Variants in CADM1 observed in about 807,000 individuals in gnomAD.
CADM1 encodes the protein TSLC-1.
In CADM1, 15 loss-of-function variants were observed where a neutral mutation model predicts 53.1. The observed-to-expected ratio is 0.28, with a 90% confidence interval of 0.19 to 0.44. The LOEUF (loss-of-function observed/expected upper bound fraction) is 0.44. Ranked by LOEUF, CADM1 falls within the 20% of genes least tolerant of loss-of-function variation. CADM1 has a pLI of 1.00. For missense variants in CADM1, 434 were observed against 611.3 expected, an observed-to-expected ratio of 0.71 and a Z score of 3.06; for synonymous variants, 281 against 243.0, an observed-to-expected ratio of 1.16 and a Z score of -1.45.
chr11:115,468,219 T>C (rs1379014421), intron 1 of CADM1, among the ~76,000 whole-genome samples: 2 of 152,132 alleles, frequency 1.3e-5, no homozygotes, highest in Non-Finnish European at 1.5e-5. Context: ...TACATGTTCA[T>C]TGGGGGAAAA....
intron 1 of CADM1, among the ~76,000 whole-genome samples, chr11:115,359,861 T>C (rs558969571): frequency 2.7e-4 from 41 of 152,330 alleles, no homozygotes; most frequent in African/African-American, 8.7e-4. Flanking sequence ...TAATAAGGCA[T>C]GTGCTAAATC....
At chr11:115,270,489 C>T (rs762467361) in intron 1 of CADM1, among the ~76,000 whole-genome samples, 3 of 152,140 alleles carry the variant, frequency 2.0e-5, no homozygotes, top group African/African-American at 4.8e-5. Flanking sequence ...CAGAACATTT[C>T]CTTCTTATTC....
intron 1 of CADM1, among the ~76,000 whole-genome samples, chr11:115,274,638 C>T (rs1943394052): frequency 6.6e-6 from 1 of 152,222 alleles, no homozygotes. Context: ...GAAATAATCA[C>T]TAGCTCTTGA....
At chr11:115,256,687 A>G (rs1341372276) in intron 1 of CADM1, 11 of 399,168 alleles carry the variant, frequency 2.8e-5, no homozygotes, top group Non-Finnish European at 4.7e-5. Flanking sequence ...GTGGGCAGGG[A>G]GAGAGAGCCA....
chr11:115,362,384 T>C (rs1171412909), intron 1 of CADM1, among the ~76,000 whole-genome samples: 1 of 152,172 alleles, frequency 6.6e-6, no homozygotes, highest in Non-Finnish European at 1.5e-5. Context: ...AACTGACAGT[T>C]TGTATTTTAC....
chr11:115,175,830 T>C lies in CADM1; in HGVS notation c.*644A>G. 2.0e-6 allele frequency: 2 copies of C among 995,480 alleles called. No homozygotes were observed. The highest frequency in any genetic ancestry group is 2.4e-6 in the Non-Finnish European group (2 of 835,972). The allele number at this position is 995,480 out of a possible 1,614,324, so 61.7% of individuals were successfully genotyped here. A position where few individuals can be genotyped will look rare whatever the true frequency, so the allele number is the denominator to read the frequency against. Reference sequence around the variant, plus strand: ...ATTTTCTAGTCTTCACTGCTCTAAGTATTTGAAACATGGGCAGCAGCAAAG... The same window carrying C: ...ATTTTCTAGTCTTCACTGCTCTAAGCATTTGAAACATGGGCAGCAGCAAAG... On this transcript the variant is annotated 3_prime_UTR_variant, in exon 12 of 12. Transcript: ENST00000331581.
chr11:115,268,610 C>G (rs550197436), intron 1 of CADM1, among the ~76,000 whole-genome samples: 73 of 152,310 alleles, frequency 4.8e-4, no homozygotes, highest in African/African-American at 1.6e-3. Context: ...TTGAGGGTAA[C>G]CAGAGCAGGG....
chr11:115,503,017 C>CCTG (rs1341766483), intron 1 of CADM1, among the ~76,000 whole-genome samples: 21 of 152,142 alleles, frequency 1.4e-4, no homozygotes, highest in Admixed American at 1.4e-3. Context: ...GGCTCAGAGC[C>CCTG]CTGCTGCATC....
intron 1 of CADM1, among the ~76,000 whole-genome samples, chr11:115,284,538 G>T (rs1260350883): frequency 6.6e-6 from 1 of 150,658 alleles, no homozygotes; most frequent in Non-Finnish European, 1.5e-5. Context: ...AAGGAAAAAC[G>T]TAAGAGGAAG....
rs11215528 is a variant in CADM1 at position 115,389,276 on chromosome 11, T to C, written c.124+114995A>G. On this transcript the variant is annotated intron_variant, in intron 1 of 11. Coordinates refer to ENST00000331581, the MANE Select transcript of CADM1 (RefSeq NM_001301043.2). ...CAACTTTTCAGTAAGTTTGAAACGA[T>C]TTCCAAATAAAAAATGTAAACAACA... Among the ~76,000 whole-genome samples the C allele has an allele frequency of 5.1e-3, 784 of 152,274 alleles. 8 individuals carry two copies. Among genetic ancestry groups the C allele is most frequent in the African/African-American group, 0.018 (754 of 41,556 alleles).
intron 1 of CADM1, among the ~76,000 whole-genome samples, chr11:115,242,075 G>T (rs1253822158): frequency 6.7e-6 from 1 of 150,302 alleles, no homozygotes; most frequent in African/African-American, 2.4e-5. Flanking sequence ...CCCTGGCAGA[G>T]GATTAGAAAA....
intron 10 of CADM1, among the ~76,000 whole-genome samples, chr11:115,181,079 T>C (rs1166437453): frequency 6.8e-6 from 1 of 147,134 alleles, no homozygotes; most frequent in Non-Finnish European, 1.5e-5. Flanking sequence ...TTCTAACCCA[T>C]CTAGGGGAAG....
intron 1 of CADM1, among the ~76,000 whole-genome samples, chr11:115,241,255 G>A (rs186909874): frequency 4.6e-5 from 7 of 152,192 alleles, no homozygotes; most frequent in African/African-American, 1.4e-4. Context: ...ATGATCCACC[G>A]TACAGGTAGG....
In CADM1 at chr11:115,198,432, G is replaced by C. The variant is rs182462702; in HGVS notation, c.1085C>G (p.Thr362Arg). The change falls in exon 9 of 12, where the codon ACG (threonine) becomes AGG (arginine). Residue 362 changes from threonine to arginine, a missense_variant. Thr to Arg is a moderately conservative substitution (Grantham distance 71). Around this residue, in one of 4 missense-constraint regions of CADM1, gnomAD observed 311 missense variants for 435.1 expected, o/e 0.71. Transcript: ENST00000331581. Reference sequence around the variant, plus strand: ...GTGAACTGCTGGTTCTGTCGTCGCCGTTGTGTCTACAGACGGGAACAGAGG... The same window carrying C: ...GTGAACTGCTGGTTCTGTCGTCGCCCTTGTGTCTACAGACGGGAACAGAGG... ...TTILTIITDT[T>R]ATTEPAVHGL... 2 of 1,595,360 alleles carry C rather than the reference G, an allele frequency of 1.3e-6. No individual in the cohort carries two copies. The highest frequency in any genetic ancestry group is 1.3e-5 in the African/African-American group (1 of 74,942).
At chr11:115,364,602 C>T (rs1466860882) in intron 1 of CADM1, among the ~76,000 whole-genome samples, 1 of 151,884 alleles carries the variant, frequency 6.6e-6, no homozygotes, top group African/African-American at 2.4e-5. Flanking sequence ...GGGACCACAT[C>T]CACTCTGGTC....
In CADM1 at chr11:115,502,685, T is replaced by C. The variant is rs567316136; in HGVS notation, c.124+1586A>G. On this transcript the variant is annotated intron_variant, in intron 1 of 11. Transcript: ENST00000331581. ...CTGCTGCCAGACGCCCCCCAATAGG[T>C]TTCCCAAGCCGAGCTCCTTTGCAAG... Among the ~76,000 whole-genome samples the C allele has an allele frequency of 2.2e-3, 328 of 151,240 alleles. 1 individual carries two copies. Among genetic ancestry groups the C allele is most frequent in the African/African-American group, 7.7e-3 (316 of 41,184 alleles).
chr11:115,292,651 A>T (rs143835242), intron 1 of CADM1, among the ~76,000 whole-genome samples: 4 of 152,318 alleles, frequency 2.6e-5, no homozygotes, highest in East Asian at 3.9e-4. Flanking sequence ...ATCACATTCA[A>T]TCCTCCAAGG....
At chr11:115,436,625 T>C (rs75765712) in intron 1 of CADM1, among the ~76,000 whole-genome samples, 314 of 152,308 alleles carry the variant, frequency 2.1e-3, no homozygotes, top group African/African-American at 7.1e-3. Context: ...TCTCCCATGA[T>C]TTGGCAATTT....
intron 3 of CADM1, among the ~76,000 whole-genome samples, chr11:115,237,901 C>T (rs542291358): frequency 6.6e-6 from 1 of 152,340 alleles, no homozygotes; most frequent in East Asian, 1.9e-4. Context: ...AGCCCGTCAA[C>T]AGTTCTTTGC....
Sources: allele counts gnomAD v4.1 joint callset (sites outside exome capture counted in the v4.1 genomes callset), GRCh38; gene constraint gnomAD v4.1.1; regional missense constraint gnomAD v4.1.1; transcripts MANE v1.5; gene names NCBI Gene and HGNC (gene_info 2026-07-23, HGNC 2026-07-21).